Variants in FRY observed in about 807,000 individuals in gnomAD.
The protein encoded by FRY is FRY microtubule binding protein, also known as protein furry homolog.
Under a neutral mutation model 348.4 loss-of-function variants are expected in FRY, and 128 were observed. That is an observed-to-expected ratio of 0.37 (90% CI 0.32 to 0.43). The LOEUF is 0.43. Ranked by LOEUF, FRY falls within the 20% of genes least tolerant of loss-of-function variation. The probability of loss-of-function intolerance (pLI) is 1.00; values close to 1 mark genes in which losing one functional copy is unlikely to be tolerated. For synonymous variants in FRY, 1,370 were observed against 1,374.7 expected (o/e 1.00, Z 0.08); for missense variants, 2,736 against 3,695.2 (o/e 0.74, Z 6.73).
Position 32,209,629 on chromosome 13 carries a change from T to C in FRY, c.4320T>C (p.Asn1440=), listed in dbSNP as rs1418008100. 4 of 1,614,124 alleles carry C rather than the reference T, an allele frequency of 2.5e-6. No homozygotes were observed. In the South Asian group the frequency reaches 4.4e-5, roughly 18 times the overall value. ...GGCCAGAAATGGAAAATGCTTGGAA[T>C]GCTTTAGCCAACAATGAGAAATGGA... is the stretch of plus-strand genomic sequence containing the variant. The part of the protein sequence containing the change: ...VPGPEMENAW[N]ALANNEKWSN... The change falls in exon 33 of 61, where the codon AAT becomes AAC. Residue 1440 remains asparagine, a synonymous_variant. Transcript: ENST00000542859.
chr13:32,265,495 G>T lies in FRY; in HGVS notation c.7825G>T (p.Asp2609Tyr). The T allele has an allele frequency of 6.2e-7, 1 of 1,614,200 alleles. No homozygotes were observed. Among genetic ancestry groups the T allele is most frequent in the Admixed American group, 1.7e-5 (1 of 60,018 alleles). ...EEEDTTVHED[D>Y]LSSSINELPA... ...GGAGGACACCACCGTGCATGAGGAT[G>T]ATCTTTCTAGTTCCATCAATGAACT... The change falls in exon 54 of 61, where the codon GAT (aspartate) becomes TAT (tyrosine). Residue 2609 changes from aspartate to tyrosine, a missense_variant. Physicochemically the swap from Asp to Tyr is radical, Grantham distance 160 (BLOSUM62 -3). Around this residue, in one of 9 missense-constraint regions of FRY, gnomAD observed 789 missense variants for 996.2 expected, o/e 0.79. Transcript: ENST00000542859.
Position 32,225,801 on chromosome 13 carries a change from A to G in FRY, c.5033A>G (p.Tyr1678Cys). Residue 1678 changes from tyrosine to cysteine, a missense_variant, in exon 39 of 61, where the codon TAC becomes TGC. By Grantham distance (194) the Tyr-to-Cys change is radical. Around this residue, in one of 9 missense-constraint regions of FRY, gnomAD observed 794 missense variants for 977.0 expected, o/e 0.81. Coordinates refer to ENST00000542859, the MANE Select transcript of FRY (RefSeq NM_023037.3). ...LHAVFLGLDH[Y>C]RPEVFEHSKK... ...TGTTTTGTTCCAGGTTTAGACCACT[A>G]CCGGCCTGAAGTCTTTGAACACAGC... 6.2e-7 allele frequency: 1 copy of G among 1,613,638 alleles called. No homozygotes were observed.
At position 32,239,378 on chromosome 13, in the gene FRY, G is replaced by T. The variant is rs781031207; in HGVS notation, c.6516+29G>T. ...TGAGTTACAGTTCCACACTCAGGCA[G>T]ATCCATAGAGGCCTTCAGGACGCCC... On this transcript the variant is annotated intron_variant, in intron 45 of 60. Coordinates refer to ENST00000542859, the MANE Select transcript of FRY (RefSeq NM_023037.3). This position sits in a 1 kb window ranked among gnomAD's most constrained non-coding sequence, Gnocchi z 4.3. The T allele has an allele frequency of 7.6e-7, 1 of 1,318,306 alleles. No individual in the cohort carries two copies. Among genetic ancestry groups the T allele is most frequent in the Non-Finnish European group, 1.1e-6 (1 of 909,890 alleles). The allele number at this position is 1,318,306 out of a possible 1,614,324, so 81.7% of individuals were successfully genotyped here.
intron 47 of FRY, among the ~76,000 whole-genome samples, chr13:32,245,052 C>T (rs757413802): frequency 1.3e-5 from 2 of 152,096 alleles, no homozygotes; most frequent in African/African-American, 2.4e-5. Flanking sequence ...CGGGTTCAAG[C>T]GATCCTTCTG....
At chr13:32,101,901 T>A (rs1877184452) in intron 2 of FRY, 62 bp from the exon 3 acceptor site, 5 of 962,832 alleles carry the variant, frequency 5.2e-6, no homozygotes, top group Non-Finnish European at 8.4e-6. Context: ...ATAATGGCAT[T>A]TCTTTTATAC....
intron 32 of FRY, 38 bp downstream of exon 32, chr13:32,209,147 C>A (rs113074150): frequency 1.2e-6 from 2 of 1,612,572 alleles, no homozygotes; most frequent in African/African-American, 1.3e-5. Flanking sequence ...TAGCATGGCT[C>A]CATCATCAGA....
rs553356829 is a variant in FRY at position 32,237,040 on chromosome 13, A to G, written c.5811-339A>G. On this transcript the variant is annotated intron_variant, in intron 43 of 60. Transcript: ENST00000542859. This position sits in a 1 kb window ranked among gnomAD's most constrained non-coding sequence, Gnocchi z 6.3. ...TTCTCCTTATCAGTCAGTTAACAGA[A>G]TATTGAAGCTTATACCTATCAGGTA... Among the ~76,000 whole-genome samples, 1 of 152,308 alleles carries G rather than the reference A, an allele frequency of 6.6e-6. No homozygotes were observed. Among genetic ancestry groups the G allele is most frequent in the South Asian group, 2.1e-4 (1 of 4,826 alleles).
intron 17 of FRY, among the ~76,000 whole-genome samples, chr13:32,165,245 T>A (rs1881667992): frequency 6.6e-6 from 1 of 152,232 alleles, no homozygotes; most frequent in South Asian, 2.1e-4. Context: ...CATACACAGA[T>A]TCCACAGTCT....
rs773502277 is a variant in FRY at position 32,228,492 on chromosome 13, C to T, written c.5243C>T (p.Pro1748Leu). The stretch of plus-strand genomic sequence containing the variant: ...TTCCTGAGAGAGGACCAGTCATCCC[C>T]GGTGCCTGACTCAGGGCTTAGTTCA... ...FDFLREDQSS[P>L]VPDSGLSSSS... The change falls in exon 40 of 61, where the codon CCG becomes CTG. Residue 1748 changes from proline to leucine, a missense_variant. By Grantham distance (98) the Pro-to-Leu change is moderately conservative (BLOSUM62 -3). Transcript: ENST00000542859. 1.9e-5 allele frequency: 30 copies of T among 1,612,892 alleles called. No individual in the cohort carries two copies. Among genetic ancestry groups the T allele is most frequent in the South Asian group, 4.4e-5 (4 of 91,036 alleles).
Position 32,237,091 on chromosome 13 carries a change from C to T in FRY, c.5811-288C>T, listed in dbSNP as rs1197602682. Among the ~76,000 whole-genome samples, 1 of 152,000 alleles carries T rather than the reference C, an allele frequency of 6.6e-6. No homozygotes were observed. The highest frequency in any genetic ancestry group is 1.5e-5 in the Non-Finnish European group (1 of 67,988). ...CATTTTATTTCATAATTACTCCTACCCAAATTCAAGCAAAACATAAATGAA... is the reference window on the plus strand; with the variant it reads ...CATTTTATTTCATAATTACTCCTACTCAAATTCAAGCAAAACATAAATGAA... On this transcript the variant is annotated intron_variant, in intron 43 of 60. Transcript: ENST00000542859. The surrounding 1 kb of genome is among the most constrained non-coding windows in gnomAD (Gnocchi z 6.3).
At chr13:32,204,837 G>A (rs1310323346) in intron 31 of FRY, among the ~76,000 whole-genome samples, 2 of 152,208 alleles carry the variant, frequency 1.3e-5, no homozygotes, top group East Asian at 3.8e-4. Context: ...TAGGCACTGT[G>A]CTTGGGTTTC....
rs1410915198 is a variant in FRY at position 32,224,946 on chromosome 13, G to C, written c.4930G>C (p.Val1644Leu). Residue 1644 changes from valine to leucine, a missense_variant, in exon 38 of 61, where the codon GTA becomes CTA. By Grantham distance (32) the Val-to-Leu change is conservative. Coordinates refer to ENST00000542859, the MANE Select transcript of FRY (RefSeq NM_023037.3). Reference sequence around the variant, plus strand: ...TTCATTGATTAGGTGCAATATTGCTGTAATTTTTATGACTGAAATGGTGGT... The same window carrying C: ...TTCATTGATTAGGTGCAATATTGCTCTAATTTTTATGACTGAAATGGTGGT... ...RGPLHRCNIA[V>L]IFMTEMVVDH... 6.2e-7 allele frequency: 1 copy of C among 1,602,990 alleles called. No individual in the cohort carries two copies. Among genetic ancestry groups the C allele is most frequent in the Non-Finnish European group, 8.5e-7 (1 of 1,169,842 alleles).
At chr13:32,277,642 A>T (rs1237117413) in intron 57 of FRY, among the ~76,000 whole-genome samples, 1 of 124,410 alleles carries the variant, frequency 8.0e-6, no homozygotes, top group African/African-American at 3.3e-5. Flanking sequence ...ACATAGAAAG[A>T]AAATGTTCAT....
At chr13:32,170,693 C>A (rs1195863156) in intron 17 of FRY, among the ~76,000 whole-genome samples, 1 of 152,116 alleles carries the variant, frequency 6.6e-6, no homozygotes, top group Admixed American at 6.5e-5. Flanking sequence ...TGTGCCACCA[C>A]ACCTGGCTAA....
At chr13:32,133,760 C>CTTT (rs1879519335) in intron 8 of FRY, among the ~76,000 whole-genome samples, 2 of 114,708 alleles carry the variant, frequency 1.7e-5, no homozygotes, top group African/African-American at 6.1e-5. Context: ...TTCTTTCTTT[C>CTTT]TTTCTTTCTT....
chr13:32,247,403 G>C lies in FRY; in HGVS notation c.6909G>C (p.Gln2303His), dbSNP rs1305065559. ...RSASLVLPSY[Q>H]HSDLSKIEIH... ...CCAGCCTTGTTTTACCTTCATACCAGCACAGTGACCTCTCAAAAATAGAAA... is the reference window on the plus strand; with the variant it reads ...CCAGCCTTGTTTTACCTTCATACCACCACAGTGACCTCTCAAAAATAGAAA... Residue 2303 changes from glutamine to histidine, a missense_variant, in exon 48 of 61, where the codon CAG (glutamine) becomes CAC (histidine). Transcript: ENST00000542859. 1 of 1,612,956 alleles carries C rather than the reference G, an allele frequency of 6.2e-7. No homozygotes were observed. Among genetic ancestry groups the C allele is most frequent in the South Asian group, 1.1e-5 (1 of 91,042 alleles).
At chr13:32,102,929 A>T (rs1034158127) in intron 3 of FRY, among the ~76,000 whole-genome samples, 4 of 152,228 alleles carry the variant, frequency 2.6e-5, no homozygotes, top group African/African-American at 4.8e-5. Flanking sequence ...TTATGGTCTA[A>T]TGAAAACCAC....
intron 2 of FRY, among the ~76,000 whole-genome samples, chr13:32,083,550 G>T (rs750975634): frequency 5.3e-5 from 8 of 151,956 alleles, no homozygotes; most frequent in Non-Finnish European, 8.8e-5. Flanking sequence ...TTGCATCCAC[G>T]GTTGTGGGAG....
intron 46 of FRY, among the ~76,000 whole-genome samples, chr13:32,242,480 A>T (rs1229003941): frequency 1.3e-5 from 2 of 152,038 alleles, no homozygotes; most frequent in African/African-American, 4.8e-5. Flanking sequence ...TCTAGTAAAG[A>T]TATTCATTTT....
Sources: gnomAD v4.1 joint callset for allele counts (sites outside exome capture counted in the v4.1 genomes callset) on GRCh38, gnomAD v4.1.1 for gene constraint, gnomAD v4.1.1 regional missense constraint, Gnocchi (gnomAD v3.1) non-coding constraint, MANE v1.5 for transcripts, NCBI Gene and HGNC (gene_info 2026-07-23, HGNC 2026-07-21) for gene names.